The following FAM171B variants were observed in gnomAD, a reference collection of about 807,000 sequenced individuals.
The protein encoded by FAM171B is protein FAM171B.
In FAM171B, 19 loss-of-function variants were observed where a neutral mutation model predicts 75.6. The observed-to-expected ratio is 0.25, with a 90% CI of 0.18 to 0.37. FAM171B has a LOEUF of 0.37. Ranked by LOEUF, FAM171B falls within the 10% of genes least tolerant of loss-of-function variation. The pLI is 1.00. For synonymous variants in FAM171B, 367 were observed against 361.7 expected (o/e 1.01, Z -0.17); for missense variants, 848 against 982.4 (o/e 0.86, Z 1.83).
intron 1 of FAM171B, among the ~76,000 whole-genome samples, chr2:186,712,719 G>A (rs1207319501): frequency 6.6e-6 from 1 of 152,074 alleles, no homozygotes; most frequent in African/African-American, 2.4e-5. Flanking sequence ...TTAGCACTGA[G>A]TTTTGTCACT....
chr2:186,724,028 A>G (rs1228677320), intron 1 of FAM171B, among the ~76,000 whole-genome samples: 1 of 152,218 alleles, frequency 6.6e-6, no homozygotes, highest in Admixed American at 6.5e-5. Flanking sequence ...CAGAAAATGA[A>G]CCTAATGAGT....
chr2:186,717,251 A>C (rs1208842246), intron 1 of FAM171B, among the ~76,000 whole-genome samples: 1 of 152,232 alleles, frequency 6.6e-6, no homozygotes, highest in African/African-American at 2.4e-5. Flanking sequence ...AAAAGTAAAT[A>C]TTTAAAACCT....
intron 4 of FAM171B, among the ~76,000 whole-genome samples, chr2:186,747,608 T>G (rs1213533290): frequency 1.3e-5 from 2 of 152,132 alleles, no homozygotes; most frequent in African/African-American, 2.4e-5. Flanking sequence ...AGTTTGTATT[T>G]TTTTCATAAT....
chr2:186,714,562 C>G (rs1007489721), intron 1 of FAM171B, among the ~76,000 whole-genome samples: 4 of 151,986 alleles, frequency 2.6e-5, no homozygotes, highest in Non-Finnish European at 5.9e-5. Flanking sequence ...TAAATTGTGT[C>G]CAAATTAAAG....
At chr2:186,755,611 ACTGT>A (rs933138140) in intron 6 of FAM171B, among the ~76,000 whole-genome samples, 32 of 152,170 alleles carry the variant, frequency 2.1e-4, no homozygotes, top group Non-Finnish European at 7.3e-5. Flanking sequence ...CATTATTATG[ACTGT>A]CTGTTATTTT....
intron 1 of FAM171B, among the ~76,000 whole-genome samples, chr2:186,708,929 C>A (rs1185138042): frequency 1.3e-5 from 2 of 152,092 alleles, no homozygotes; most frequent in Non-Finnish European, 1.5e-5. Context: ...GCTATAAATA[C>A]CTGAGACTTG....
chr2:186,715,142 T>G (rs1172281761), intron 1 of FAM171B, among the ~76,000 whole-genome samples: 1 of 152,202 alleles, frequency 6.6e-6, no homozygotes, highest in Non-Finnish European at 1.5e-5. Flanking sequence ...AAACATTTAC[T>G]ACGCCCAGAA....
intron 1 of FAM171B, among the ~76,000 whole-genome samples, chr2:186,719,292 T>C (rs531282156): frequency 6.6e-6 from 1 of 152,306 alleles, no homozygotes; most frequent in African/African-American, 2.4e-5. Flanking sequence ...CTGAGTTCCA[T>C]TTTTTTCTTC....
At chr2:186,743,375 TC>T (rs200281950) in intron 2 of FAM171B, 107 bp from the exon 3 acceptor site, 4 of 643,962 alleles carry the variant, frequency 6.2e-6, no homozygotes, top group East Asian at 5.6e-5. Flanking sequence ...AAGCATTTGT[TC>T]CCCCCCACAA....
intron 1 of FAM171B, among the ~76,000 whole-genome samples, chr2:186,717,024 G>GT (rs1247386441): frequency 6.6e-6 from 1 of 152,142 alleles, no homozygotes. Context: ...GACAGGTAGT[G>GT]TAACTTGCCA....
chr2:186,707,324 C>T (rs1689745464), intron 1 of FAM171B, among the ~76,000 whole-genome samples: 1 of 152,138 alleles, frequency 6.6e-6, no homozygotes, highest in African/African-American at 2.4e-5. Flanking sequence ...CAGCAAACTC[C>T]GTTTAGGAGT....
chr2:186,743,590 TCTTA>T lies in FAM171B; in HGVS notation c.565+18_565+21del, dbSNP rs756082727. On this transcript the variant is annotated intron_variant, in intron 3 of 7. Coordinates refer to ENST00000304698, the MANE Select transcript of FAM171B (RefSeq NM_177454.4). ...AAAATTAGCTGGTAAGTACCATACT[TCTTA>T]CTAAGTAAACACTTAAAGTTATTGT... The T allele has an allele frequency of 4.7e-6, 7 of 1,483,632 alleles. No homozygotes were observed. In the South Asian group the frequency reaches 6.9e-5, roughly 15 times the overall value. 91.9% of individuals were successfully genotyped at this position (1,483,632 alleles called of 1,614,324 possible). A position where few individuals can be genotyped will look rare whatever the true frequency, so the allele number is the denominator to read the frequency against.
In FAM171B at chr2:186,743,481, A is replaced by G; in HGVS notation, c.473-2A>G. ...ATATTCTAATTGTGCTATATTTCAC[A>G]GTATATTCATCAGTTACACTTTCAC... On this transcript the variant is annotated splice_acceptor_variant, in intron 2 of 7. Coordinates refer to ENST00000304698, the MANE Select transcript of FAM171B (RefSeq NM_177454.4). LOFTEE classifies it high-confidence loss of function. 6.3e-7 allele frequency: 1 copy of G among 1,595,046 alleles called. No individual in the cohort carries two copies. Among genetic ancestry groups the G allele is most frequent in the Non-Finnish European group, 8.6e-7 (1 of 1,163,484 alleles).
intron 6 of FAM171B, among the ~76,000 whole-genome samples, chr2:186,759,063 G>T (rs748199084): frequency 2.0e-5 from 3 of 151,972 alleles, no homozygotes; most frequent in Non-Finnish European, 2.9e-5. Context: ...GTTTTTCTAT[G>T]CCTGGCTTAT....
At chr2:186,744,815 C>T (rs1413660369) in intron 3 of FAM171B, among the ~76,000 whole-genome samples, 2 of 150,198 alleles carry the variant, frequency 1.3e-5, no homozygotes, top group Non-Finnish European at 3.0e-5. Flanking sequence ...GCATGAGCCA[C>T]CGTGCCTGAC....
chr2:186,745,030 A>G (rs1239347863), intron 3 of FAM171B, among the ~76,000 whole-genome samples: 1 of 151,902 alleles, frequency 6.6e-6, no homozygotes, highest in African/African-American at 2.4e-5. Flanking sequence ...GGGTTTCACC[A>G]TGTTGGCCAG....
intron 1 of FAM171B, among the ~76,000 whole-genome samples, chr2:186,733,661 G>A (rs1423705854): frequency 6.6e-6 from 1 of 152,170 alleles, no homozygotes; most frequent in Non-Finnish European, 1.5e-5. Flanking sequence ...TGGGTGAGTG[G>A]GGGGTGTGTG....
intron 1 of FAM171B, among the ~76,000 whole-genome samples, chr2:186,701,480 T>C (rs1474461883): frequency 6.6e-6 from 1 of 152,180 alleles, no homozygotes; most frequent in Non-Finnish European, 1.5e-5. Flanking sequence ...ACTTTGTACT[T>C]TTTGTCCTAC....
chr2:186,721,370 C>T (rs778447811), intron 1 of FAM171B, among the ~76,000 whole-genome samples: 6 of 152,102 alleles, frequency 3.9e-5, no homozygotes, highest in Non-Finnish European at 8.8e-5. Flanking sequence ...AATAGTAACA[C>T]ATTATGAAAA....
Sources: gnomAD v4.1 joint callset for allele counts (sites outside exome capture counted in the v4.1 genomes callset) on GRCh38, gnomAD v4.1.1 for gene constraint, MANE v1.5 for transcripts, NCBI Gene and HGNC (gene_info 2026-07-23, HGNC 2026-07-21) for gene names.